Variants in ATP8B4 observed in about 807,000 individuals in gnomAD.
ATP8B4 encodes ATPase phospholipid transporting 8B4 (putative), also known as probable phospholipid-transporting ATPase IM.
ATP8B4 carries 133 observed loss-of-function variants against 145.6 expected under a neutral mutation model. That is an observed-to-expected ratio of 0.91 (90% CI 0.79 to 1.05). ATP8B4 has a LOEUF of 1.05. ATP8B4 is among the 50% of genes least tolerant of loss of function. The pLI is 0.00. For missense variants in ATP8B4, 1,458 were observed against 1,425.2 expected (o/e 1.02, Z -0.37); for synonymous variants, 507 against 492.9 (o/e 1.03, Z -0.38).
At chr15:49,879,745 G>A (rs1296715696) in intron 23 of ATP8B4, 13 of 246,454 alleles carry the variant, frequency 5.3e-5, no homozygotes, top group Admixed American at 4.8e-4. Context: ...AACATAGTGC[G>A]GGACACGTAT....
At chr15:50,086,253 ATATT>A (rs1411451653) in intron 2 of ATP8B4, among the ~76,000 whole-genome samples, 2 of 95,316 alleles carry the variant, frequency 2.1e-5, no homozygotes, top group South Asian at 3.1e-4. Flanking sequence ...ATAGAGATCT[ATATT>A]TATTATATAT....
chr15:49,864,353 T>G (rs1006285329), intron 26 of ATP8B4, among the ~76,000 whole-genome samples: 6 of 152,222 alleles, frequency 3.9e-5, no homozygotes, highest in African/African-American at 1.2e-4. Context: ...TTATTTTGCT[T>G]TCTACATAAA....
intron 3 of ATP8B4, among the ~76,000 whole-genome samples, chr15:50,052,284 A>C (rs1439565654): frequency 6.6e-6 from 1 of 152,224 alleles, no homozygotes; most frequent in Non-Finnish European, 1.5e-5. Context: ...GACTACAAAC[A>C]TCCCAATCCA....
chr15:49,911,304 A>G (rs1035558936), intron 20 of ATP8B4, among the ~76,000 whole-genome samples: 2 of 152,084 alleles, frequency 1.3e-5, no homozygotes, highest in Non-Finnish European at 2.9e-5. Flanking sequence ...ACACCTATAG[A>G]CTGAAAGTAA....
chr15:50,177,202 CT>C (rs1489122619), intron 1 of ATP8B4, among the ~76,000 whole-genome samples: 1 of 152,194 alleles, frequency 6.6e-6, no homozygotes, highest in Non-Finnish European at 1.5e-5. Flanking sequence ...ATAATCTATA[CT>C]TTTTTGTCAA....
rs748446663 is a variant in ATP8B4 at position 49,862,410 on chromosome 15, A to T, written c.3167-35T>A. The T allele has an allele frequency of 1.0e-5, 16 of 1,598,010 alleles. No individual in the cohort carries two copies. The South Asian group carries it at 1.7e-4, about 17-fold the overall frequency. Reference sequence around the variant, plus strand: ...ATTAAAGAAAATATACACTGTGGTTACAAGTAGGACTGAATTATTAATTAA... The same window carrying T: ...ATTAAAGAAAATATACACTGTGGTTTCAAGTAGGACTGAATTATTAATTAA... On this transcript the variant is annotated intron_variant, in intron 26 of 27. Coordinates refer to ENST00000284509, the MANE Select transcript of ATP8B4 (RefSeq NM_024837.4).
intron 1 of ATP8B4, among the ~76,000 whole-genome samples, chr15:50,172,448 A>G (rs1466518081): frequency 2.0e-5 from 3 of 152,156 alleles, no homozygotes; most frequent in South Asian, 2.1e-4. Flanking sequence ...ACAGTGCTCA[A>G]TGTTGCCCAG....
intron 7 of ATP8B4, among the ~76,000 whole-genome samples, chr15:50,005,511 C>T (rs1417207889): frequency 6.6e-6 from 1 of 152,034 alleles, no homozygotes; most frequent in Non-Finnish European, 1.5e-5. Flanking sequence ...ATGAGGAACC[C>T]AGGAGGTCAT....
intron 6 of ATP8B4, among the ~76,000 whole-genome samples, chr15:50,034,096 G>C (rs987275848): frequency 1.3e-5 from 2 of 152,094 alleles, no homozygotes; most frequent in Non-Finnish European, 2.9e-5. Context: ...AAATTGCTGG[G>C]TCAAATAGTA....
chr15:50,013,951 A>G (rs913457005), intron 6 of ATP8B4, among the ~76,000 whole-genome samples: 1 of 152,180 alleles, frequency 6.6e-6, no homozygotes, highest in Non-Finnish European at 1.5e-5. Flanking sequence ...ATCATGCTCC[A>G]CGTCACTAGA....
At position 50,172,564 on chromosome 15, in the gene ATP8B4, C is replaced by A. The variant is rs1167298373; in HGVS notation, c.-43+9697G>T. On this transcript the variant is annotated intron_variant, in intron 1 of 3. Coordinates refer to the ATP8B4 transcript ENST00000558829. Reference sequence around the variant, plus strand: ...GATTGCAGTCTCTGCCCGGCCGCCACCCCATCTGGGAAGTGAGGAGTGTCT... The same window carrying A: ...GATTGCAGTCTCTGCCCGGCCGCCAACCCATCTGGGAAGTGAGGAGTGTCT... 4.6e-5 allele frequency among the ~76,000 whole-genome samples: 7 copies of A among 152,318 alleles called. No individual in the cohort carries two copies. The East Asian group carries it at 1.4e-3, about 29-fold the overall frequency.
rs574311436 is a variant in ATP8B4, at chr15:50,047,623, T to G, written c.88-159A>C. 8.5e-5 allele frequency among the ~76,000 whole-genome samples: 13 copies of G among 152,158 alleles called. No individual in the cohort carries two copies. The South Asian group carries it at 2.7e-3, about 32-fold the overall frequency. On this transcript the variant is annotated intron_variant, in intron 3 of 27. Transcript: ENST00000284509. The stretch of plus-strand genomic sequence containing the variant: ...CTCAAGGCCTTCATTTTTCCCAAGA[T>G]GATATGCTCCTGATACTAGATGAAA...
chr15:49,860,567 T>TA (rs2031483615), intron 27 of ATP8B4, 92 bp from the exon 28 acceptor site: 1 of 1,385,612 alleles, frequency 7.2e-7, no homozygotes, highest in Middle Eastern at 2.7e-4. Flanking sequence ...CTTTTTTTTT[T>TA]ATAAGTAAAA....
At chr15:50,172,556 G>A (rs146725202) in intron 1 of ATP8B4, among the ~76,000 whole-genome samples, 13,741 of 152,118 alleles carry the variant, frequency 0.09, 824 homozygotes, top group African/African-American at 0.16. Context: ...GTCTCTGCCC[G>A]GCCGCCACCC....
chr15:49,861,261 G>A (rs192940445), intron 27 of ATP8B4, among the ~76,000 whole-genome samples: 326 of 152,102 alleles, frequency 2.1e-3, no homozygotes, highest in Admixed American at 4.3e-3. Context: ...TAACTCATCC[G>A]CCATTTTCTG....
At chr15:49,876,215 C>G in intron 25 of ATP8B4, 63 bp downstream of exon 25, 1 of 1,556,420 alleles carries the variant, frequency 6.4e-7, no homozygotes, top group Non-Finnish European at 8.7e-7. Context: ...CAAAATCAAT[C>G]AACAATGAAA....
intron 23 of ATP8B4, chr15:49,880,699 TCTC>T (rs1307296853): frequency 6.6e-6 from 1 of 150,912 alleles, no homozygotes; most frequent in Admixed American, 6.6e-5. Flanking sequence ...TCATGGTAAC[TCTC>T]CTTTGTTACT....
Position 50,072,924 on chromosome 15 carries a change from CTCTCTCTCTCTCT to C in ATP8B4, c.87+1190_87+1202del, listed in dbSNP as rs2053848779. Among the ~76,000 whole-genome samples the C allele has an allele frequency of 2.2e-3, 23 of 10,550 alleles. 1 individual carries two copies. The highest frequency in any genetic ancestry group is 5.7e-3 in the African/African-American group (17 of 2,982). 6.9% of individuals were successfully genotyped at this position (10,550 alleles called of 152,430 possible). ...AGGCATGAGTCACTGTGCCCGGCCT[CTCTCTCTCTCTCT>C]CTCTCTCTCTCTCTCTCTCTCTCTC... On this transcript the variant is annotated intron_variant, in intron 3 of 27. Coordinates refer to ENST00000284509, the MANE Select transcript of ATP8B4 (RefSeq NM_024837.4).
chr15:49,860,496 A>G (rs1429020613), intron 27 of ATP8B4, 21 bp from the exon 28 acceptor site: 7 of 1,582,766 alleles, frequency 4.4e-6, no homozygotes, highest in Non-Finnish European at 6.0e-6. Flanking sequence ...ACAGACCCAA[A>G]GTGAGATGAT....
Sources: allele counts gnomAD v4.1 joint callset (sites outside exome capture counted in the v4.1 genomes callset), GRCh38; gene constraint gnomAD v4.1.1; transcripts MANE v1.5; gene names NCBI Gene and HGNC (gene_info 2026-07-23, HGNC 2026-07-21).